The following CAPN9 variants were observed in gnomAD, a reference collection of about 807,000 sequenced individuals.
CAPN9 encodes calpain 9, also known as calpain-9.
Under a neutral mutation model 92.8 loss-of-function variants are expected in CAPN9, and 81 were observed. That is an observed-to-expected ratio of 0.87 (90% CI 0.73 to 1.05). The LOEUF is 1.05. CAPN9 is among the 50% of genes least tolerant of loss of function. The pLI, the probability that CAPN9 is intolerant of heterozygous loss-of-function variation, is 0.00. For missense variants in CAPN9, 848 were observed against 866.2 expected (o/e 0.98, Z 0.26); for synonymous variants, 304 against 328.0 (o/e 0.93, Z 0.79).
At chr1:230,795,301 G>C (rs745678322) in intron 18 of CAPN9, 22 bp downstream of exon 18, 4 of 1,481,858 alleles carry the variant, frequency 2.7e-6, no homozygotes, top group Non-Finnish European at 3.8e-6. Flanking sequence ...GCGAGGCTGA[G>C]GGTGCACCTC....
chr1:230,800,209 AGAAAGAAAAATAAGAAAGAAAG>A, intron 19 of CAPN9, among the ~76,000 whole-genome samples: 1 of 124,060 alleles, frequency 8.1e-6, no homozygotes, highest in Non-Finnish European at 1.8e-5. Context: ...AAGAAAGAAA[AGAAAGAAAAATAAGAAAGAAAG>A]AAGAAAGAAA....
intron 2 of CAPN9, among the ~76,000 whole-genome samples, chr1:230,758,907 A>G (rs1391637390): frequency 4.6e-5 from 7 of 152,248 alleles, no homozygotes; most frequent in Non-Finnish European, 1.0e-4. Flanking sequence ...GATAGCACAG[A>G]TAAAATCATG....
rs1483204393 is a variant in CAPN9 at position 230,798,154 on chromosome 1, C to T, written c.1988-8C>T. ...AAAAGGATGCCTTTCCCCCTTCTCT[C>T]CTATCAGGGGTGTTCCAGGCTCTCA... On this transcript the variant is annotated splice_polypyrimidine_tract_variant and splice_region_variant and intron_variant, in intron 18 of 19. Transcript: ENST00000271971. 2.5e-6 allele frequency: 4 copies of T among 1,596,584 alleles called. No homozygotes were observed. Among genetic ancestry groups the T allele is most frequent in the Non-Finnish European group, 3.4e-6 (4 of 1,164,202 alleles).
intron 4 of CAPN9, among the ~76,000 whole-genome samples, chr1:230,764,087 T>C (rs1215938253): frequency 6.6e-6 from 1 of 152,062 alleles, no homozygotes; most frequent in Non-Finnish European, 1.5e-5. Flanking sequence ...ACTGTATAGA[T>C]GGTGTTATGG....
chr1:230,787,411 A>G (rs1667676577), intron 12 of CAPN9, 111 bp from the exon 13 acceptor site: 3 of 815,220 alleles, frequency 3.7e-6, no homozygotes, highest in Non-Finnish European at 6.1e-6. Flanking sequence ...ACACTGCCTC[A>G]GGAGGGTGAC....
intron 2 of CAPN9, among the ~76,000 whole-genome samples, chr1:230,758,628 T>C (rs1329418284): frequency 6.6e-6 from 1 of 152,222 alleles, no homozygotes; most frequent in Non-Finnish European, 1.5e-5. Flanking sequence ...AGGGCCATAT[T>C]ACAATGTCCC....
intron 3 of CAPN9, among the ~76,000 whole-genome samples, chr1:230,759,847 T>C (rs1665522193): frequency 6.6e-6 from 1 of 152,232 alleles, no homozygotes; most frequent in Non-Finnish European, 1.5e-5. Flanking sequence ...TTATGGAGCA[T>C]ACATTTAAAA....
rs146927087 is a variant in CAPN9 at position 230,772,409 on chromosome 1, A to G, written c.875+310A>G. 3.5e-3 allele frequency among the ~76,000 whole-genome samples: 536 copies of G among 152,372 alleles called. 5 individuals are homozygous for G. The highest frequency in any genetic ancestry group is 0.013 in the South Asian group (63 of 4,822). ...ACCCAGTGATATGGTGAAAAGCTTT[A>G]TCTGTAGTTGTGAGTAACTCCAGTA... is the stretch of plus-strand genomic sequence containing the variant. On this transcript the variant is annotated intron_variant, in intron 7 of 19. Transcript: ENST00000271971.
chr1:230,772,186 T>G, intron 7 of CAPN9, 87 bp downstream of exon 7: 2 of 1,067,390 alleles, frequency 1.9e-6, no homozygotes, highest in Non-Finnish European at 2.9e-6. Context: ...AGGAGTGGCC[T>G]GTCTACTATC....
intron 6 of CAPN9, among the ~76,000 whole-genome samples, chr1:230,770,996 T>C (rs1256713538): frequency 6.6e-6 from 1 of 152,184 alleles, no homozygotes; most frequent in East Asian, 1.9e-4. Context: ...TCCTTCACCA[T>C]CCATAGATGA....
intron 2 of CAPN9, among the ~76,000 whole-genome samples, chr1:230,756,754 A>C (rs1665249738): frequency 6.6e-6 from 1 of 152,158 alleles, no homozygotes; most frequent in African/African-American, 2.4e-5. Flanking sequence ...TGGGCAACAT[A>C]GTGAGGGCTC....
intron 19 of CAPN9, among the ~76,000 whole-genome samples, chr1:230,800,279 A>T (rs201116241): frequency 0.022 from 2,981 of 136,924 alleles, 137 homozygotes; most frequent in Middle Eastern, 0.096. Flanking sequence ...AGAAAGAAAG[A>T]AAGAAAGAAA....
At chr1:230,793,072 G>A (rs910986108) in intron 17 of CAPN9, 144 bp downstream of exon 17, 2 of 661,588 alleles carry the variant, frequency 3.0e-6, no homozygotes, top group Non-Finnish European at 5.3e-6. Flanking sequence ...CACGGCCCTT[G>A]GAGTGGTGGC....
chr1:230,770,936 CTCTTTGGGAT>C (rs1299684509), intron 6 of CAPN9, among the ~76,000 whole-genome samples: 7 of 152,214 alleles, frequency 4.6e-5, no homozygotes, highest in Admixed American at 2.6e-4. Flanking sequence ...CGCCGTTGGA[CTCTTTGGGAT>C]TCTTTAGAAT....
At chr1:230,789,610 C>T (rs1667846285) in intron 13 of CAPN9, among the ~76,000 whole-genome samples, 1 of 151,898 alleles carries the variant, frequency 6.6e-6, no homozygotes, top group South Asian at 2.1e-4. Flanking sequence ...GAAATTCACC[C>T]TTATTCTTAA....
At chr1:230,778,402 G>A (rs1463830376) in intron 8 of CAPN9, among the ~76,000 whole-genome samples, 4 of 152,206 alleles carry the variant, frequency 2.6e-5, no homozygotes, top group Non-Finnish European at 5.9e-5. Context: ...CAGCCATGGA[G>A]CATGTGACTC....
intron 19 of CAPN9, among the ~76,000 whole-genome samples, chr1:230,799,370 C>T (rs1668541410): frequency 6.6e-6 from 1 of 152,154 alleles, no homozygotes; most frequent in African/African-American, 2.4e-5. Flanking sequence ...CAAAGCTTTG[C>T]TTTATAATAA....
intron 9 of CAPN9, among the ~76,000 whole-genome samples, chr1:230,779,463 G>C (rs1667060713): frequency 6.6e-6 from 1 of 152,114 alleles, no homozygotes; most frequent in South Asian, 2.1e-4. Flanking sequence ...TCAGGGCCCT[G>C]GTTCCATTTG....
chr1:230,750,544 C>T (rs542908365), intron 1 of CAPN9, among the ~76,000 whole-genome samples: 2 of 151,354 alleles, frequency 1.3e-5, no homozygotes, highest in South Asian at 2.1e-4. Flanking sequence ...CGCAGGGAGC[C>T]GGGGGGTAGC....
Sources: gnomAD v4.1 joint callset for allele counts (sites outside exome capture counted in the v4.1 genomes callset) on GRCh38, gnomAD v4.1.1 for gene constraint, MANE v1.5 for transcripts, NCBI Gene and HGNC (gene_info 2026-07-23, HGNC 2026-07-21) for gene names.